Variants in OPA1 observed in about 807,000 individuals in gnomAD.
OPA1 encodes the protein dynamin-like GTPase OPA1, mitochondrial.
OPA1 carries 59 observed loss-of-function variants against 152.9 expected under a neutral mutation model. The observed-to-expected ratio is 0.39, with a 90% confidence interval of 0.31 to 0.48. The LOEUF is 0.48. Ranked by LOEUF, OPA1 falls within the 20% of genes least tolerant of loss-of-function variation. OPA1 has a pLI of 0.96. For synonymous variants in OPA1, 400 were observed against 389.9 expected (o/e 1.03, Z -0.31); for missense variants, 1,008 against 1,216.8 (o/e 0.83, Z 2.55).
At chr3:193,650,887 A>AT (rs1448980899) in intron 21 of OPA1, among the ~76,000 whole-genome samples, 2 of 152,136 alleles carry the variant, frequency 1.3e-5, no homozygotes, top group East Asian at 1.9e-4. Context: ...ACAGAAATAC[A>AT]TTTTTTCTAA....
In OPA1 at chr3:193,645,713, A is replaced by G. The variant is rs777431484; in HGVS notation, c.1682-15A>G. 2 of 1,613,080 alleles carry G rather than the reference A, an allele frequency of 1.2e-6. No homozygotes were observed. The highest frequency in any genetic ancestry group is 1.7e-6 in the Non-Finnish European group (2 of 1,179,208). The stretch of plus-strand genomic sequence containing the variant: ...TAATTTTCTTGATGAAAATTTGACC[A>G]TCATTCTTCCCCAGGGAACAGCTCT... On this transcript the variant is annotated splice_polypyrimidine_tract_variant and intron_variant, in intron 17 of 30. Transcript: ENST00000361510.
At position 193,642,997 on chromosome 3, in the gene OPA1, T is replaced by C; in HGVS notation, c.1253T>C (p.Ile418Thr). ...EEDLAALRHE[I>T]ELRMRKNVKE... ...TAGCTTGCAGCATTAAGACATGAAA[T>C]AGAACTTCGAATGAGGAAAAATGTG... is the stretch of plus-strand genomic sequence containing the variant. Residue 418 changes from isoleucine (I) to threonine (T), a missense_variant, in exon 13 of 31, where the codon ATA becomes ACA. This residue lies in a region of OPA1 where 213 missense variants were observed against 291.4 expected (regional missense o/e 0.73). Transcript: ENST00000361510. 1 of 1,613,982 alleles carries C rather than the reference T, an allele frequency of 6.2e-7. No homozygotes were observed. Among genetic ancestry groups the C allele is most frequent in the Non-Finnish European group, 8.5e-7 (1 of 1,179,882 alleles).
intron 6 of OPA1, among the ~76,000 whole-genome samples, chr3:193,623,518 T>TA (rs1316915912): frequency 6.6e-6 from 1 of 151,972 alleles, no homozygotes. Context: ...GATGGAGATT[T>TA]AAAAAAAGAG....
rs1241083808 is a variant in OPA1, at chr3:193,642,968, C to G, written c.1231-7C>G. On this transcript the variant is annotated splice_polypyrimidine_tract_variant and splice_region_variant and intron_variant, in intron 12 of 30. Transcript: ENST00000361510. ...AGATTTTCTTAGGATTTTGTGTTTT[C>G]CATTAGCTTGCAGCATTAAGACATG... 1 of 1,612,418 alleles carries G rather than the reference C, an allele frequency of 6.2e-7. No homozygotes were observed.
chr3:193,628,504 T>C (rs770306049), intron 7 of OPA1: 1 of 152,250 alleles, frequency 6.6e-6, no homozygotes, highest in African/African-American at 2.4e-5. Flanking sequence ...GTTTTTCTCT[T>C]TCAGCTTTAG....
chr3:193,638,086 AG>A, intron 11 of OPA1, 21 bp downstream of exon 11: 1 of 1,563,804 alleles, frequency 6.4e-7, no homozygotes, highest in Non-Finnish European at 8.8e-7. Flanking sequence ...AGGCCGTCTC[AG>A]TGAGGTTCCT....
At chr3:193,596,407 T>TTTC (rs142872143) in intron 1 of OPA1, among the ~76,000 whole-genome samples, 3,244 of 101,762 alleles carry the variant, frequency 0.032, 295 homozygotes, top group Non-Finnish European at 0.042. Context: ...TTTCTTTTCT[T>TTTC]TTCTTTTCTT....
intron 30 of OPA1, among the ~76,000 whole-genome samples, chr3:193,694,189 T>A (rs1324127976): frequency 6.6e-6 from 1 of 152,222 alleles, no homozygotes. Context: ...ATGATCTGTT[T>A]TGTACCCTGC....
At chr3:193,652,194 A>G (rs1712654967) in intron 21 of OPA1, among the ~76,000 whole-genome samples, 1 of 152,126 alleles carries the variant, frequency 6.6e-6, no homozygotes, top group African/African-American at 2.4e-5. Flanking sequence ...CAACCTGGGC[A>G]ACATGGTGAA....
Position 193,614,887 on chromosome 3 carries a change from C to T in OPA1, c.197C>T (p.Thr66Ile). The T allele has an allele frequency of 1.2e-6, 2 of 1,614,046 alleles. No individual in the cohort carries two copies. Among genetic ancestry groups the T allele is most frequent in the Non-Finnish European group, 1.7e-6 (2 of 1,179,930 alleles). ...RTSFQQFSSL[T>I]NLPLRKLKFS... ...TCCTTTCAGCAGTTCTCTTCTCTGA[C>T]AAACCTTCCTTTACGTAAACTGAAA... Residue 66 changes from threonine to isoleucine, a missense_variant, in exon 2 of 31, where the codon ACA becomes ATA. By Grantham distance (89) the Thr-to-Ile change is moderately conservative (BLOSUM62 -1). This residue lies in a region of OPA1 where 408 missense variants were observed against 395.1 expected (regional missense o/e 1.03). Transcript: ENST00000361510.
chr3:193,686,487 TCATC>T (rs1415906301), intron 29 of OPA1, among the ~76,000 whole-genome samples: 1 of 152,210 alleles, frequency 6.6e-6, no homozygotes, highest in Admixed American at 6.5e-5. Flanking sequence ...TCATATTCCT[TCATC>T]TATCTGTTTG....
At chr3:193,667,834 A>G (rs1243562036) in intron 29 of OPA1, among the ~76,000 whole-genome samples, 1 of 152,162 alleles carries the variant, frequency 6.6e-6, no homozygotes, top group Non-Finnish European at 1.5e-5. Flanking sequence ...TACAATATCT[A>G]ATTCTCAGAC....
intron 29 of OPA1, chr3:193,691,676 A>G (rs1414638189): frequency 6.3e-6 from 1 of 158,396 alleles, no homozygotes; most frequent in African/African-American, 2.4e-5. Context: ...GTTTTTTAAA[A>G]TGGTTTCATT....
chr3:193,689,762 T>C (rs1386874108), intron 29 of OPA1, among the ~76,000 whole-genome samples: 1 of 152,158 alleles, frequency 6.6e-6, no homozygotes, highest in East Asian at 1.9e-4. Flanking sequence ...AAATCGTGTA[T>C]CAAATGGAGT....
rs755113780 is a variant in OPA1 at position 193,680,010 on chromosome 3, C to T, written c.2984-12053C>T. ...ATAAACCGAGAACTTCTGAAATCAG[C>T]CTAACATGAATACCTGTTCTTCTTG... is the stretch of plus-strand genomic sequence containing the variant. On this transcript the variant is annotated intron_variant, in intron 29 of 30. Coordinates refer to ENST00000361510, the MANE Select transcript of OPA1 (RefSeq NM_130837.3). Among the ~76,000 whole-genome samples the T allele has an allele frequency of 4.6e-5, 7 of 152,156 alleles. No homozygotes were observed. The South Asian group carries it at 1.5e-3, about 32-fold the overall frequency.
At chr3:193,667,670 CAAAAAA>C (rs35232250) in intron 29 of OPA1, among the ~76,000 whole-genome samples, 5 of 93,352 alleles carry the variant, frequency 5.4e-5, no homozygotes, top group South Asian at 4.1e-4. Flanking sequence ...GATTCTGTCT[CAAAAAA>C]AAAAAAAAAA....
At chr3:193,640,862 A>G (rs1297865272) in intron 11 of OPA1, among the ~76,000 whole-genome samples, 1 of 152,236 alleles carries the variant, frequency 6.6e-6, no homozygotes, top group Non-Finnish European at 1.5e-5. Flanking sequence ...GAAATCTTCA[A>G]GAAATGAAAT....
chr3:193,618,854 A>G lies in OPA1; in HGVS notation c.611-15A>G, dbSNP rs748510302. 3 of 1,606,062 alleles carry G rather than the reference A, an allele frequency of 1.9e-6. No homozygotes were observed. The highest frequency in any genetic ancestry group is 1.3e-5 in the African/African-American group (1 of 74,882). ...ATCACTGGAGAATGTAAAGGGTTGC[A>G]TATTTATCTTTAAGGTTCTCCGGAA... is the stretch of plus-strand genomic sequence containing the variant. On this transcript the variant is annotated splice_polypyrimidine_tract_variant and intron_variant, in intron 5 of 30. Transcript: ENST00000361510.
intron 25 of OPA1, among the ~76,000 whole-genome samples, chr3:193,662,484 T>C (rs1023309200): frequency 5.3e-5 from 8 of 152,194 alleles, no homozygotes; most frequent in Admixed American, 1.3e-4. Flanking sequence ...ATTCAAATTA[T>C]ACCCTACGGT....
Sources: allele counts gnomAD v4.1 joint callset (sites outside exome capture counted in the v4.1 genomes callset), GRCh38; gene constraint gnomAD v4.1.1; regional missense constraint gnomAD v4.1.1; transcripts MANE v1.5; gene names NCBI Gene and HGNC (gene_info 2026-07-23, HGNC 2026-07-21).